The following IQCH variants were observed in gnomAD, a reference collection of about 807,000 sequenced individuals.
IQCH encodes IQ domain-containing protein H.
In IQCH, 98 loss-of-function variants were observed where a neutral mutation model predicts 117.0. That is an observed-to-expected ratio of 0.84 (90% CI 0.71 to 0.99). The LOEUF (loss-of-function observed/expected upper bound fraction) is 0.99, where lower values mean the gene tolerates loss of function less well. Among genes scored for constraint, IQCH ranks in the 50% least tolerant of loss-of-function variants. IQCH has a pLI of 0.00. For synonymous variants in IQCH, 412 were observed against 448.2 expected (o/e 0.92, Z 1.02); for missense variants, 1,102 against 1,243.8 (o/e 0.89, Z 1.72).
chr15:67,414,261 G>A (rs1305520296), intron 14 of IQCH, among the ~76,000 whole-genome samples: 2 of 152,236 alleles, frequency 1.3e-5, no homozygotes, highest in African/African-American at 4.8e-5. Context: ...CAGACATTTA[G>A]TGTTCCCTGT....
chr15:67,284,125 A>G (rs1053479807), intron 4 of IQCH, among the ~76,000 whole-genome samples: 3 of 152,060 alleles, frequency 2.0e-5, no homozygotes, highest in African/African-American at 7.2e-5. Flanking sequence ...TTTACTATCA[A>G]ATACTAGTTC....
At chr15:67,373,679 C>A in intron 10 of IQCH, 1 of 597,248 alleles carries the variant, frequency 1.7e-6, no homozygotes, top group Non-Finnish European at 3.0e-6. Context: ...CTGTAATTCG[C>A]TTTCATCTGT....
intron 4 of IQCH, among the ~76,000 whole-genome samples, chr15:67,320,913 G>A (rs1968087714): frequency 6.6e-6 from 1 of 152,208 alleles, no homozygotes; most frequent in African/African-American, 2.4e-5. Context: ...GCCACCTGGA[G>A]TCACTAACAC....
At position 67,500,566 on chromosome 15, in the gene IQCH, G is replaced by A. The variant is rs1024159368; in HGVS notation, c.2971-67G>A. 2 of 762,332 alleles carry A rather than the reference G, an allele frequency of 2.6e-6. No homozygotes were observed. The highest frequency in any genetic ancestry group is 4.4e-6 in the Non-Finnish European group (2 of 457,200). 47.2% of individuals were successfully genotyped at this position (762,332 alleles called of 1,614,324 possible). Reference sequence around the variant, plus strand: ...CTAAACCATGGTGAACTCCCAAAAGGACCAGATGCTTGGGGGAGAGGGATT... The same window carrying A: ...CTAAACCATGGTGAACTCCCAAAAGAACCAGATGCTTGGGGGAGAGGGATT... On this transcript the variant is annotated intron_variant, in intron 20 of 20. Transcript: ENST00000335894. The surrounding 1 kb of genome is among the most constrained non-coding windows in gnomAD (Gnocchi z 4.4).
rs776596388 is a variant in IQCH, at chr15:67,424,420, T to C, written c.2505+2843T>C. Among the ~76,000 whole-genome samples, 10 of 152,226 alleles carry C rather than the reference T, an allele frequency of 6.6e-5. No individual in the cohort carries two copies. Among genetic ancestry groups the C allele is most frequent in the Non-Finnish European group, 1.2e-4 (8 of 68,038 alleles). ...GTGTGAGCATTCCTCGTACCACTTATCTCAGTTACAAATTTAAACTTATTT... is the reference window on the plus strand; with the variant it reads ...GTGTGAGCATTCCTCGTACCACTTACCTCAGTTACAAATTTAAACTTATTT... On this transcript the variant is annotated intron_variant, in intron 16 of 20. Transcript: ENST00000335894. This position sits in a 1 kb window ranked among gnomAD's most constrained non-coding sequence, Gnocchi z 4.9.
chr15:67,332,484 G>A (rs1247927469), intron 4 of IQCH, among the ~76,000 whole-genome samples: 1 of 152,074 alleles, frequency 6.6e-6, no homozygotes, highest in Admixed American at 6.6e-5. Context: ...CACTTGTTGG[G>A]AAAAACTACT....
intron 16 of IQCH, among the ~76,000 whole-genome samples, chr15:67,439,669 T>C (rs1362501305): frequency 6.6e-6 from 1 of 152,062 alleles, no homozygotes; most frequent in Non-Finnish European, 1.5e-5. Flanking sequence ...GCGGATCACC[T>C]GAGGTCAAGA....
intron 7 of IQCH, among the ~76,000 whole-genome samples, chr15:67,358,408 C>T (rs573284101): frequency 6.6e-6 from 1 of 151,456 alleles, no homozygotes; most frequent in African/African-American, 2.4e-5. Context: ...GTTGGCCAGG[C>T]TGGTCTCGAA....
At chr15:67,270,161 T>C (rs1445220537) in intron 3 of IQCH, among the ~76,000 whole-genome samples, 1 of 152,214 alleles carries the variant, frequency 6.6e-6, no homozygotes, top group African/African-American at 2.4e-5. Flanking sequence ...TCATGTTGTC[T>C]ATGAACAAAG....
In IQCH at chr15:67,387,981, A is replaced by G. The variant is rs578112387; in HGVS notation, c.1457-850A>G. On this transcript the variant is annotated intron_variant, in intron 11 of 20. Transcript: ENST00000335894. The surrounding 1 kb of genome is among the most constrained non-coding windows in gnomAD (Gnocchi z 4.8). ...ATGCTTCATCGTGCCCACAATGATTACTGTATTTCCCTCCACATTTAGCCA... is the reference window on the plus strand; with the variant it reads ...ATGCTTCATCGTGCCCACAATGATTGCTGTATTTCCCTCCACATTTAGCCA... Among the ~76,000 whole-genome samples, 33 of 152,282 alleles carry G rather than the reference A, an allele frequency of 2.2e-4. 1 individual carries two copies. In the South Asian group the frequency reaches 6.6e-3, roughly 31 times the overall value.
chr15:67,371,143 T>C (rs1169133127), intron 8 of IQCH, among the ~76,000 whole-genome samples: 1 of 152,154 alleles, frequency 6.6e-6, no homozygotes, highest in Non-Finnish European at 1.5e-5. Flanking sequence ...CCGGGTTTAC[T>C]GACGAGAACT....
intron 18 of IQCH, among the ~76,000 whole-genome samples, chr15:67,478,267 C>A (rs1419257542): frequency 6.6e-6 from 1 of 152,056 alleles, no homozygotes; most frequent in Admixed American, 6.5e-5. Context: ...CACCTATAAT[C>A]CCAGCTACTC....
Position 67,254,825 on chromosome 15 carries a change from A to G in IQCH, c.-72A>G. On this transcript the variant is annotated 5_prime_UTR_variant, in exon 1 of 21. Transcript: ENST00000335894. ...CGCGCGCGGTGTTGCCATGGGGACGAGCGGCTCCGGCTGAAGGTTTCCGTG... is the reference window on the plus strand; with the variant it reads ...CGCGCGCGGTGTTGCCATGGGGACGGGCGGCTCCGGCTGAAGGTTTCCGTG... 6.6e-7 allele frequency: 1 copy of G among 1,516,078 alleles called. No individual in the cohort carries two copies. Among genetic ancestry groups the G allele is most frequent in the East Asian group, 2.4e-5 (1 of 41,774 alleles). The allele number at this position is 1,516,078 out of a possible 1,614,324, so 93.9% of individuals were successfully genotyped here.
At chr15:67,382,853 C>A (rs904381990) in intron 10 of IQCH, among the ~76,000 whole-genome samples, 22 of 152,186 alleles carry the variant, frequency 1.4e-4, no homozygotes, top group Non-Finnish European at 2.8e-4. Context: ...CGCCACTGGG[C>A]CTGTCTACTG....
chr15:67,468,024 C>CA (rs1362215121), intron 17 of IQCH, among the ~76,000 whole-genome samples: 1 of 152,174 alleles, frequency 6.6e-6, no homozygotes, highest in African/African-American at 2.4e-5. Flanking sequence ...CTGACCTCCA[C>CA]AAAGAACCAC....
At position 67,500,560 on chromosome 15, in the gene IQCH, C is replaced by A. The variant is rs2083952073; in HGVS notation, c.2971-73C>A. On this transcript the variant is annotated intron_variant, in intron 20 of 20. Coordinates refer to ENST00000335894, the MANE Select transcript of IQCH (RefSeq NM_001031715.3). The surrounding 1 kb of genome is among the most constrained non-coding windows in gnomAD (Gnocchi z 4.4). ...ACTGGTCTAAACCATGGTGAACTCCCAAAAGGACCAGATGCTTGGGGGAGA... is the reference window on the plus strand; with the variant it reads ...ACTGGTCTAAACCATGGTGAACTCCAAAAAGGACCAGATGCTTGGGGGAGA... 2.7e-6 allele frequency: 2 copies of A among 728,436 alleles called. No individual in the cohort carries two copies. The highest frequency in any genetic ancestry group is 2.6e-5 in the East Asian group (1 of 38,368). The allele number at this position is 728,436 out of a possible 1,614,324, so 45.1% of individuals were successfully genotyped here.
intron 2 of IQCH, 69 bp downstream of exon 2, chr15:67,261,463 G>A: frequency 7.4e-7 from 1 of 1,343,218 alleles, no homozygotes. Context: ...AGGAATTGCA[G>A]TTCTCATAGA....
chr15:67,403,117 G>A lies in IQCH; in HGVS notation c.2097+2812G>A, dbSNP rs1193898357. Among the ~76,000 whole-genome samples the A allele has an allele frequency of 6.6e-6, 1 of 152,106 alleles. No individual in the cohort carries two copies. Among genetic ancestry groups the A allele is most frequent in the Non-Finnish European group, 1.5e-5 (1 of 68,026 alleles). On this transcript the variant is annotated intron_variant, in intron 14 of 20. Transcript: ENST00000335894. The surrounding 1 kb of genome is among the most constrained non-coding windows in gnomAD (Gnocchi z 4.8). ...ACAAAAAAATTAGTCGGGGCTGGTG[G>A]TGCATGCCTGTAGTACCAGCTACTT...
At chr15:67,269,302 C>T (rs1965805488) in intron 3 of IQCH, among the ~76,000 whole-genome samples, 1 of 152,126 alleles carries the variant, frequency 6.6e-6, no homozygotes, top group Non-Finnish European at 1.5e-5. Flanking sequence ...ATACTTTTAT[C>T]CTGCTGGTAG....
Sources: gnomAD v4.1 joint callset for allele counts (sites outside exome capture counted in the v4.1 genomes callset) on GRCh38, gnomAD v4.1.1 for gene constraint, Gnocchi (gnomAD v3.1) non-coding constraint, MANE v1.5 for transcripts, NCBI Gene and HGNC (gene_info 2026-07-23, HGNC 2026-07-21) for gene names.